Variants in TENM3 observed in about 807,000 individuals in gnomAD.
TENM3 encodes teneurin-3.
In TENM3, 63 loss-of-function variants were observed where a neutral mutation model predicts 255.1. The ratio of observed to expected loss-of-function variants is 0.25; its 90% confidence interval spans 0.20 to 0.30. TENM3 has a LOEUF of 0.30. Ranked by LOEUF, TENM3 falls within the 10% of genes least tolerant of loss-of-function variation. The pLI is 1.00. For missense variants in TENM3, 2,929 were observed against 3,461.1 expected (o/e 0.85, Z 3.86); for synonymous variants, 1,306 against 1,322.3 (o/e 0.99, Z 0.27).
At chr4:181,696,389 G>A in the TENM3 span, among the ~76,000 whole-genome samples, 1 of 151,942 alleles carries the variant, frequency 6.6e-6, no homozygotes, top group Non-Finnish European at 1.5e-5. Flanking sequence ...TGACCAAAGG[G>A]GACATTGTCT....
chr4:182,227,637 CTTTTT>C (rs531262242), intron 1 of TENM3, among the ~76,000 whole-genome samples: 6 of 127,288 alleles, frequency 4.7e-5, no homozygotes, highest in Admixed American at 4.0e-4. Context: ...ATGTGCAGGG[CTTTTT>C]TTTTTTTTTT....
At chr4:181,674,079 T>G in the TENM3 span, among the ~76,000 whole-genome samples, 2 of 152,226 alleles carry the variant, frequency 1.3e-5, no homozygotes, top group African/African-American at 4.8e-5. Context: ...CACTGCAACC[T>G]CCACCTCCTG....
At chr4:182,048,864 G>A in the TENM3 span, among the ~76,000 whole-genome samples, 3 of 152,094 alleles carry the variant, frequency 2.0e-5, no homozygotes, top group Non-Finnish European at 4.4e-5. Context: ...GAACACTTAA[G>A]AGTAAAACCT....
chr4:182,644,212 C>T (rs1185025231), intron 5 of TENM3, among the ~76,000 whole-genome samples: 1 of 152,162 alleles, frequency 6.6e-6, no homozygotes, highest in Non-Finnish European at 1.5e-5. Context: ...CAGCTGTCAT[C>T]ACCCTTCCTT....
the TENM3 span, among the ~76,000 whole-genome samples, chr4:181,448,549 A>G: frequency 1.3e-5 from 2 of 152,158 alleles, no homozygotes; most frequent in Non-Finnish European, 2.9e-5. Flanking sequence ...TAAAACAGGA[A>G]AGATAAATGT....
intron 13 of TENM3, among the ~76,000 whole-genome samples, chr4:182,714,780 G>T (rs532736386): frequency 3.3e-5 from 5 of 152,216 alleles, no homozygotes; most frequent in Non-Finnish European, 7.3e-5. Flanking sequence ...TATTTTCACC[G>T]TTGACCTCAG....
chr4:181,914,271 G>T, the TENM3 span, among the ~76,000 whole-genome samples: 1 of 152,046 alleles, frequency 6.6e-6, no homozygotes, highest in Non-Finnish European at 1.5e-5. Flanking sequence ...AATACCTTTT[G>T]CCTTTGCTAA....
chr4:181,834,456 C>T, the TENM3 span, among the ~76,000 whole-genome samples: 1 of 152,342 alleles, frequency 6.6e-6, no homozygotes, highest in South Asian at 2.1e-4. Flanking sequence ...GGGAGCTGGG[C>T]TGCAGGAAGG....
chr4:182,080,747 T>C, the TENM3 span, among the ~76,000 whole-genome samples: 178 of 152,064 alleles, frequency 1.2e-3, no homozygotes, highest in Admixed American at 3.3e-3. Context: ...ATCCCAGCAG[T>C]GTGGGAGGCA....
chr4:182,729,905 GCA>G (rs1760555754), intron 14 of TENM3, among the ~76,000 whole-genome samples: 1 of 152,072 alleles, frequency 6.6e-6, no homozygotes, highest in South Asian at 2.1e-4. Context: ...TATGAAAAAA[GCA>G]CAGAGTTTAT....
chr4:181,709,994 A>T, the TENM3 span, among the ~76,000 whole-genome samples: 1 of 152,154 alleles, frequency 6.6e-6, no homozygotes, highest in African/African-American at 2.4e-5. Flanking sequence ...TTTACTCTGG[A>T]CACATTAAAT....
At chr4:182,180,923 T>G (rs1260321078) in intron 1 of TENM3, among the ~76,000 whole-genome samples, 1 of 152,078 alleles carries the variant, frequency 6.6e-6, no homozygotes, top group East Asian at 1.9e-4. Flanking sequence ...TGTTTTATTT[T>G]ATTACATAAA....
In TENM3 at chr4:182,161,837, G is replaced by GTA. The variant is rs774667791; in HGVS notation, c.-76+17084_-76+17085insAT. Among the ~76,000 whole-genome samples the GTA allele has an allele frequency of 6.4e-4, 16 of 25,060 alleles. 3 individuals are homozygous for GTA. The highest frequency in any genetic ancestry group is 8.4e-4 in the Non-Finnish European group (6 of 7,114). 16.4% of individuals were successfully genotyped at this position (25,060 alleles called of 152,430 possible). On this transcript the variant is annotated intron_variant, in intron 1 of 2. Transcript: ENST00000512480. ...TATGTATATATATACACATATATATGTGTATATATACACAAATATATATGT... is the reference window on the plus strand; with the variant it reads ...TATGTATATATATACACATATATATGTATGTATATATACACAAATATATATGT...
intron 3 of TENM3, among the ~76,000 whole-genome samples, chr4:182,418,460 G>C (rs188307233): frequency 1.1e-4 from 16 of 152,286 alleles, no homozygotes; most frequent in African/African-American, 3.9e-4. Flanking sequence ...TGATTGTTGG[G>C]GGGTGGGGTA....
the TENM3 span, among the ~76,000 whole-genome samples, chr4:181,790,488 C>A: frequency 1.3e-5 from 2 of 152,054 alleles, no homozygotes; most frequent in Admixed American, 1.3e-4. Flanking sequence ...AAGTTTCTTG[C>A]ATGGTTAGAG....
At chr4:182,483,158 A>C (rs1361820639) in intron 3 of TENM3, among the ~76,000 whole-genome samples, 1 of 152,168 alleles carries the variant, frequency 6.6e-6, no homozygotes, top group Non-Finnish European at 1.5e-5. Context: ...AAAATACAAA[A>C]TTGTTTTCTT....
chr4:182,093,093 C>T, the TENM3 span, among the ~76,000 whole-genome samples: 2 of 152,090 alleles, frequency 1.3e-5, no homozygotes, highest in East Asian at 1.9e-4. Context: ...AAAATAATTC[C>T]CTCCAGTGTA....
chr4:181,723,196 A>G, the TENM3 span, among the ~76,000 whole-genome samples: 97 of 151,650 alleles, frequency 6.4e-4, no homozygotes, highest in African/African-American at 2.3e-3. Context: ...TGATTGTACA[A>G]TGATGTTGGG....
chr4:181,774,011 T>G, the TENM3 span, among the ~76,000 whole-genome samples: 290 of 130,266 alleles, frequency 2.2e-3, 1 homozygote, highest in South Asian at 0.018. Flanking sequence ...GTGTTTTTTT[T>G]TTTTTTTTTT....
Sources: gnomAD v4.1 joint callset for allele counts (sites outside exome capture counted in the v4.1 genomes callset) on GRCh38, gnomAD v4.1.1 for gene constraint, MANE v1.5 for transcripts, NCBI Gene and HGNC (gene_info 2026-07-23, HGNC 2026-07-21) for gene names.